The following GNA14 variants were observed in gnomAD, a reference collection of about 807,000 sequenced individuals.
The protein encoded by GNA14 is G protein subunit alpha 14, also known as guanine nucleotide-binding protein subunit alpha-14.
A neutral mutation model predicts 42.0 loss-of-function variants in GNA14; 50 were observed. The ratio of observed to expected loss-of-function variants is 1.19; its 90% CI spans 0.95 to 1.51. GNA14 has a LOEUF of 1.51. Among genes scored for constraint, GNA14 ranks in the 40% most tolerant of loss-of-function variants. GNA14 has a pLI of 0.00. For missense variants in GNA14, 473 were observed against 446.2 expected (o/e 1.06, Z -0.54); for synonymous variants, 173 against 163.1 (o/e 1.06, Z -0.46).
In GNA14 at chr9:77,466,175, T is replaced by C. The variant is rs188240043; in HGVS notation, c.310-31653A>G. Among the ~76,000 whole-genome samples, 64 of 152,304 alleles carry C rather than the reference T, an allele frequency of 4.2e-4. 1 individual carries two copies. Among genetic ancestry groups the C allele is most frequent in the Non-Finnish European group, 7.9e-4 (54 of 68,022 alleles). ...AGTGTTTTTCATCAAATCTGGCAGGTTTTCAGCCATTATGACAGAATATTT... is the reference window on the plus strand; with the variant it reads ...AGTGTTTTTCATCAAATCTGGCAGGCTTTCAGCCATTATGACAGAATATTT... On this transcript the variant is annotated intron_variant, in intron 2 of 6. Transcript: ENST00000341700.
At chr9:77,531,161 C>G (rs1837522800) in intron 1 of GNA14, among the ~76,000 whole-genome samples, 1 of 151,912 alleles carries the variant, frequency 6.6e-6, no homozygotes, top group Non-Finnish European at 1.5e-5. Context: ...GCCCGAGATT[C>G]ACACATTTGG....
At chr9:77,559,382 T>C (rs1459007540) in intron 1 of GNA14, among the ~76,000 whole-genome samples, 1 of 151,908 alleles carries the variant, frequency 6.6e-6, no homozygotes, top group East Asian at 1.9e-4. Flanking sequence ...GCAAGTGAGA[T>C]AAAGGACTGG....
Position 77,648,235 on chromosome 9 carries a change from G to A in GNA14, c.-442C>T. On this transcript the variant is annotated 5_prime_UTR_variant, in exon 1 of 7. Transcript: ENST00000341700. ...GTGTCCCCAGGCGGGAGGTAGGCGC[G>A]GAGTGGGTTGGAGGCAAAGGACCTG... 1 of 212,458 alleles carries A rather than the reference G, an allele frequency of 4.7e-6. No individual in the cohort carries two copies. Among genetic ancestry groups the A allele is most frequent in the South Asian group, 6.9e-5 (1 of 14,544 alleles). 13.2% of individuals were successfully genotyped at this position (212,458 alleles called of 1,614,324 possible). A position where few individuals can be genotyped will look rare whatever the true frequency, so the allele number is the denominator to read the frequency against.
intron 1 of GNA14, among the ~76,000 whole-genome samples, chr9:77,530,810 C>T (rs1037909149): frequency 6.6e-6 from 1 of 152,230 alleles, no homozygotes; most frequent in African/African-American, 2.4e-5. Context: ...TGTCCTCACA[C>T]ACAGTCTCAC....
intron 1 of GNA14, among the ~76,000 whole-genome samples, chr9:77,642,724 G>C (rs7850329): frequency 0.12 from 17,580 of 152,128 alleles, 1,246 homozygotes; most frequent in South Asian, 0.24. Flanking sequence ...AGCCATGATC[G>C]TGCCATTACA....
intron 1 of GNA14, among the ~76,000 whole-genome samples, chr9:77,533,826 A>G (rs1837561091): frequency 2.0e-5 from 3 of 152,282 alleles, no homozygotes; most frequent in Admixed American, 2.0e-4. Flanking sequence ...GCACATACAG[A>G]TAATTTCTTT....
chr9:77,495,272 A>AT (rs931188902), intron 2 of GNA14, among the ~76,000 whole-genome samples: 3 of 152,118 alleles, frequency 2.0e-5, no homozygotes, highest in Non-Finnish European at 4.4e-5. Context: ...TTTCCAAAAA[A>AT]AAAAGCCCTG....
chr9:77,601,694 AT>A (rs1823567508), intron 1 of GNA14, among the ~76,000 whole-genome samples: 1 of 152,206 alleles, frequency 6.6e-6, no homozygotes, highest in African/African-American at 2.4e-5. Flanking sequence ...AAACTGGCCT[AT>A]TGGAGAAAGA....
intron 1 of GNA14, among the ~76,000 whole-genome samples, chr9:77,636,914 T>G (rs1345490060): frequency 6.6e-6 from 1 of 152,166 alleles, no homozygotes; most frequent in East Asian, 1.9e-4. Context: ...ATATGATGGC[T>G]CTTACTAGAA....
intron 2 of GNA14, among the ~76,000 whole-genome samples, chr9:77,517,762 A>G (rs1166767886): frequency 6.7e-6 from 1 of 149,218 alleles, no homozygotes. Flanking sequence ...TGCACACCAC[A>G]CTCAGATAAT....
intron 2 of GNA14, among the ~76,000 whole-genome samples, chr9:77,508,183 C>A (rs1397593666): frequency 6.6e-6 from 1 of 152,174 alleles, no homozygotes; most frequent in African/African-American, 2.4e-5. Context: ...TCAATCCCAC[C>A]CTTTCTACCC....
intron 1 of GNA14, among the ~76,000 whole-genome samples, chr9:77,540,608 C>T (rs1049949824): frequency 2.6e-5 from 4 of 152,124 alleles, no homozygotes; most frequent in Admixed American, 2.0e-4. Flanking sequence ...GAGTCTATCT[C>T]TCTCTTTAGA....
At position 77,502,705 on chromosome 9, in the gene GNA14, T is replaced by A. The variant is rs371913875; in HGVS notation, c.309+26364A>T. ...ATCTCTTGGTACCTCTTCGTGGGAA[T>A]GTGAGTCTCAGCTTTCTCTGACACT... On this transcript the variant is annotated intron_variant, in intron 2 of 6. Transcript: ENST00000341700. Among the ~76,000 whole-genome samples the A allele has an allele frequency of 3.9e-5, 6 of 152,276 alleles. No homozygotes were observed. In the South Asian group the frequency reaches 1.0e-3, roughly 26 times the overall value.
At chr9:77,609,403 CCTTT>C (rs1441753485) in intron 1 of GNA14, among the ~76,000 whole-genome samples, 9 of 152,168 alleles carry the variant, frequency 5.9e-5, no homozygotes, top group Non-Finnish European at 1.2e-4. Flanking sequence ...CCAGCTCTCC[CCTTT>C]CTTTCTAAGC....
intron 1 of GNA14, among the ~76,000 whole-genome samples, chr9:77,556,065 T>C (rs1564052843): frequency 6.6e-6 from 1 of 152,072 alleles, no homozygotes; most frequent in African/African-American, 2.4e-5. Flanking sequence ...GCCAACATGG[T>C]GAAACCCCAT....
chr9:77,578,337 T>C (rs1020751656), intron 1 of GNA14, among the ~76,000 whole-genome samples: 6 of 152,188 alleles, frequency 3.9e-5, no homozygotes, highest in Admixed American at 1.3e-4. Flanking sequence ...CTGAGGATCA[T>C]TGGGCCTGCC....
intron 1 of GNA14, among the ~76,000 whole-genome samples, chr9:77,614,658 C>G (rs1190065444): frequency 6.6e-6 from 1 of 152,134 alleles, no homozygotes; most frequent in Non-Finnish European, 1.5e-5. Context: ...CTCCCCGAAA[C>G]TCTCCTAGTC....
chr9:77,503,204 T>C (rs1837003460), intron 2 of GNA14, among the ~76,000 whole-genome samples: 1 of 152,214 alleles, frequency 6.6e-6, no homozygotes, highest in Non-Finnish European at 1.5e-5. Flanking sequence ...GGGGTTCCCA[T>C]ATCTTTTTAA....
chr9:77,579,691 A>C (rs1823185224), intron 1 of GNA14, among the ~76,000 whole-genome samples: 1 of 152,284 alleles, frequency 6.6e-6, no homozygotes, highest in Non-Finnish European at 1.5e-5. Flanking sequence ...AGTCTCACCA[A>C]GATGCAAAAA....
Sources: gnomAD v4.1 joint callset for allele counts (sites outside exome capture counted in the v4.1 genomes callset) on GRCh38, gnomAD v4.1.1 for gene constraint, MANE v1.5 for transcripts, NCBI Gene and HGNC (gene_info 2026-07-23, HGNC 2026-07-21) for gene names.